Variants in CPAMD8 observed in about 807,000 individuals in gnomAD.
CPAMD8 encodes C3 and PZP like alpha-2-macroglobulin domain containing 8, also known as C3 and PZP-like alpha-2-macroglobulin domain-containing protein 8.
In CPAMD8, 146 loss-of-function variants were observed where a neutral mutation model predicts 224.7. The observed-to-expected ratio is 0.65, with a 90% CI of 0.57 to 0.75. The LOEUF (loss-of-function observed/expected upper bound fraction) is 0.75, where lower values mean the gene tolerates loss of function less well. Ranked by LOEUF, CPAMD8 falls within the 30% of genes least tolerant of loss-of-function variation. The pLI is 0.00. For synonymous variants in CPAMD8, 966 were observed against 1,044.6 expected (o/e 0.92, Z 1.45); for missense variants, 2,301 against 2,537.5 (o/e 0.91, Z 2.00).
At chr19:17,017,658 C>T (rs1599926691) in intron 3 of CPAMD8, among the ~76,000 whole-genome samples, 1 of 152,230 alleles carries the variant, frequency 6.6e-6, no homozygotes, top group Admixed American at 6.5e-5. Context: ...TGTCTCCAAA[C>T]TTTACGAAAT....
At chr19:16,986,786 G>A (rs1037975395) in intron 13 of CPAMD8, among the ~76,000 whole-genome samples, 3 of 152,024 alleles carry the variant, frequency 2.0e-5, no homozygotes, top group Admixed American at 6.6e-5. Context: ...TGGGATTGCG[G>A]CCAGGATGCA....
At chr19:16,964,535 G>A (rs957278464) in intron 18 of CPAMD8, among the ~76,000 whole-genome samples, 11 of 152,078 alleles carry the variant, frequency 7.2e-5, no homozygotes, top group Non-Finnish European at 1.6e-4. Flanking sequence ...CTCTGAAATC[G>A]AGGCAATAAT....
chr19:16,979,083 C>G (rs1359283156), intron 14 of CPAMD8, among the ~76,000 whole-genome samples: 1 of 151,148 alleles, frequency 6.6e-6, no homozygotes, highest in Non-Finnish European at 1.5e-5. Context: ...ATCCATCATC[C>G]CCCATTCATC....
intron 32 of CPAMD8, 50 bp downstream of exon 32, chr19:16,904,176 A>AGGCCCCCCCCCCCCCCC: frequency 5.3e-6 from 5 of 937,326 alleles, no homozygotes; most frequent in East Asian, 2.6e-5. Context: ...GACTGCAGGG[A>AGGCCCCCCCCCCCCCCC]CCCCACCCAC....
At chr19:17,018,316 T>C (rs971727381) in intron 3 of CPAMD8, among the ~76,000 whole-genome samples, 8 of 152,120 alleles carry the variant, frequency 5.3e-5, no homozygotes, top group Non-Finnish European at 7.3e-5. Context: ...ATAAAATTAT[T>C]TACATAGTTT....
At chr19:16,998,302 A>T (rs1434731316) in intron 10 of CPAMD8, among the ~76,000 whole-genome samples, 2 of 152,136 alleles carry the variant, frequency 1.3e-5, no homozygotes, top group African/African-American at 4.8e-5. Flanking sequence ...TCTACTAAAA[A>T]TACAAAAATT....
chr19:16,980,713 C>T (rs761342098), intron 13 of CPAMD8, 27 bp from the exon 14 acceptor site: 28 of 1,500,152 alleles, frequency 1.9e-5, no homozygotes, highest in Middle Eastern at 1.8e-4. Context: ...GCATGGGGGG[C>T]TCTGCCTCGC....
intron 30 of CPAMD8, among the ~76,000 whole-genome samples, chr19:16,904,875 C>T (rs734568): frequency 0.35 from 53,458 of 152,134 alleles, 9,858 homozygotes; most frequent in African/African-American, 0.43. Flanking sequence ...TAGCCTCCCT[C>T]CTGACCAGGT....
At chr19:16,905,354 C>T (rs566891102) in intron 30 of CPAMD8, among the ~76,000 whole-genome samples, 22 of 150,814 alleles carry the variant, frequency 1.5e-4, no homozygotes, top group African/African-American at 5.1e-4. Context: ...CTGAGGCAGG[C>T]GGATCACCTG....
chr19:17,024,891 A>G (rs1397310059), intron 1 of CPAMD8, among the ~76,000 whole-genome samples: 1 of 152,234 alleles, frequency 6.6e-6, no homozygotes, highest in Admixed American at 6.5e-5. Context: ...AAAATCTCTC[A>G]GGTGACAGAA....
At chr19:16,959,121 G>A (rs939282243) in intron 18 of CPAMD8, among the ~76,000 whole-genome samples, 1 of 150,524 alleles carries the variant, frequency 6.6e-6, no homozygotes, top group African/African-American at 2.4e-5. Flanking sequence ...CTTTAATAAT[G>A]GCCATTCTGA....
intron 23 of CPAMD8, among the ~76,000 whole-genome samples, chr19:16,934,598 A>G (rs1180531136): frequency 1.3e-5 from 2 of 152,126 alleles, no homozygotes; most frequent in Non-Finnish European, 2.9e-5. Context: ...TTAAGTGAAA[A>G]ATGCAGCATA....
chr19:16,984,308 T>C (rs2055630412), intron 13 of CPAMD8, among the ~76,000 whole-genome samples: 1 of 111,934 alleles, frequency 8.9e-6, no homozygotes, highest in South Asian at 2.5e-4. Context: ...AGCAAGGTCC[T>C]ATCTCAAAAA....
At position 17,000,713 on chromosome 19, in the gene CPAMD8, C is replaced by T. The variant is rs147703067; in HGVS notation, c.759-191G>A. Among the ~76,000 whole-genome samples the T allele has an allele frequency of 5.4e-3, 822 of 152,232 alleles. 4 individuals are homozygous for T. Among genetic ancestry groups the T allele is most frequent in the Middle Eastern group, 0.02 (6 of 294 alleles). On this transcript the variant is annotated intron_variant, in intron 9 of 41. Coordinates refer to ENST00000443236, the MANE Select transcript of CPAMD8 (RefSeq NM_015692.5). ...CGGGACAGAAGATGCCAAGGCCCTC[C>T]GATCCTCTGCACCAAGCCTCCAGAT...
intron 22 of CPAMD8, among the ~76,000 whole-genome samples, chr19:16,941,339 T>C (rs1391839655): frequency 6.6e-6 from 1 of 151,172 alleles, no homozygotes; most frequent in African/African-American, 2.4e-5. Flanking sequence ...TCCAGTGGAA[T>C]ATGATTGAGC....
rs768429942 is a variant in CPAMD8, at chr19:16,952,002, G to A, written c.2475C>T (p.Leu825=). 34 of 1,582,202 alleles carry A rather than the reference G, an allele frequency of 2.1e-5. 1 individual carries two copies. Among genetic ancestry groups the A allele is most frequent in the Middle Eastern group, 3.3e-4 (2 of 6,030 alleles). The change falls in exon 20 of 42, where the codon CTC becomes CTT. Residue 825 remains leucine (L), a synonymous_variant. Coordinates refer to ENST00000443236, the MANE Select transcript of CPAMD8 (RefSeq NM_015692.5). ...AGGTGCCCATGTAGTTGTAGACACT[G>A]AGCGGGATCTTGACCTGCTCCCCAC... ...IIRGEQVKIP[L]SVYNYMGTCA... is the part of the protein sequence containing the mutation.
chr19:17,011,165 A>G (rs1311163944), intron 5 of CPAMD8, among the ~76,000 whole-genome samples: 9 of 152,150 alleles, frequency 5.9e-5, no homozygotes, highest in Admixed American at 5.9e-4. Context: ...ACTGCACTCC[A>G]GCATTGGCAA....
In CPAMD8 at chr19:17,008,062, G is replaced by A. The variant is rs191178327; in HGVS notation, c.559+443C>T. ...CATGCACCTGTAATCCCAGCTACTC[G>A]GTAGGCTGAGGCAGGAGACGCTCTT... On this transcript the variant is annotated intron_variant, in intron 7 of 41. Transcript: ENST00000443236. 5.9e-5 allele frequency among the ~76,000 whole-genome samples: 9 copies of A among 152,302 alleles called. No homozygotes were observed. The East Asian group carries it at 1.2e-3, about 20-fold the overall frequency.
At chr19:16,948,093 G>C (rs1487674830) in intron 20 of CPAMD8, among the ~76,000 whole-genome samples, 1 of 152,218 alleles carries the variant, frequency 6.6e-6, no homozygotes, top group African/African-American at 2.4e-5. Flanking sequence ...CATGTGCATT[G>C]TGGGTGCATA....
Sources: gnomAD v4.1 joint callset for allele counts (sites outside exome capture counted in the v4.1 genomes callset) on GRCh38, gnomAD v4.1.1 for gene constraint, MANE v1.5 for transcripts, NCBI Gene and HGNC (gene_info 2026-07-23, HGNC 2026-07-21) for gene names.